The following PTPRO variants were observed in gnomAD, a reference collection of about 807,000 sequenced individuals.
PTPRO encodes receptor-type tyrosine-protein phosphatase O.
PTPRO carries 62 observed loss-of-function variants against 145.2 expected under a neutral mutation model. That is an observed-to-expected ratio of 0.43 (90% confidence interval 0.35 to 0.53). PTPRO has a LOEUF of 0.53. Ranked by LOEUF, PTPRO falls within the 20% of genes least tolerant of loss-of-function variation. The probability of loss-of-function intolerance (pLI) is 0.01; values close to 1 mark genes in which losing one functional copy is unlikely to be tolerated. For missense variants in PTPRO, 1,345 were observed against 1,482.7 expected, an observed-to-expected ratio of 0.91 and a Z score of 1.53; for synonymous variants, 565 against 514.7, an observed-to-expected ratio of 1.10 and a Z score of -1.32.
At chr12:15,580,285 T>C (rs1944282536) in intron 21 of PTPRO, among the ~76,000 whole-genome samples, 170 bp downstream of exon 21, 1 of 152,154 alleles carries the variant, frequency 6.6e-6, no homozygotes, top group Admixed American at 6.5e-5. Flanking sequence ...AAAGAAAAAG[T>C]CCATAGATTA....
chr12:15,487,451 A>G (rs1347090540), intron 2 of PTPRO, among the ~76,000 whole-genome samples: 2 of 152,080 alleles, frequency 1.3e-5, no homozygotes, highest in East Asian at 1.9e-4. Flanking sequence ...GAAAGGAAAG[A>G]TTTTTCTGCC....
intron 17 of PTPRO, among the ~76,000 whole-genome samples, chr12:15,562,472 G>T (rs1218265142): frequency 6.6e-6 from 1 of 152,108 alleles, no homozygotes; most frequent in Non-Finnish European, 1.5e-5. Context: ...CGGTTTCTTG[G>T]AAATATATGT....
In PTPRO at chr12:15,524,887, T is replaced by A. The variant is rs142379171; in HGVS notation, c.1965T>A (p.Asp655Glu). Reference protein sequence around the residue: ...SLLYISWTYGDDTTDLSHSRM... With the variant: ...SLLYISWTYGEDTTDLSHSRM... The stretch of plus-strand genomic sequence containing the variant: ...TATATATCAGTTGGACATATGGGGA[T>A]GATACAACGGACTTGTCCCATTCTA... Residue 655 changes from aspartate (D) to glutamate (E), a missense_variant, in exon 11 of 27, where the codon GAT becomes GAA. Physicochemically the swap from Asp to Glu is conservative, Grantham distance 45. Around this residue, in one of 3 missense-constraint regions of PTPRO, gnomAD observed 1,130 missense variants for 1,214.7 expected, o/e 0.93. Coordinates refer to ENST00000281171, the MANE Select transcript of PTPRO (RefSeq NM_030667.3). The A allele has an allele frequency of 6.2e-6, 10 of 1,613,390 alleles. No individual in the cohort carries two copies. The highest frequency in any genetic ancestry group is 7.6e-6 in the Non-Finnish European group (9 of 1,179,432).
intron 14 of PTPRO, 76 bp downstream of exon 14, chr12:15,549,302 C>A: frequency 8.5e-7 from 1 of 1,175,232 alleles, no homozygotes; most frequent in Non-Finnish European, 1.1e-6. Context: ...TATCAATATT[C>A]CACCAAGAAA....
intron 1 of PTPRO, among the ~76,000 whole-genome samples, chr12:15,389,944 C>G (rs1307486912): frequency 2.0e-5 from 3 of 152,042 alleles, no homozygotes; most frequent in Non-Finnish European, 4.4e-5. Flanking sequence ...CAAAGCAGAA[C>G]AAGAGACCAA....
chr12:15,549,023 A>G lies in PTPRO; in HGVS notation c.2305-71A>G. The G allele has an allele frequency of 6.7e-6, 10 of 1,485,142 alleles. 1 individual carries two copies. In the South Asian group the frequency reaches 1.1e-4, roughly 17 times the overall value. The allele number at this position is 1,485,142 out of a possible 1,614,324, so 92.0% of individuals were successfully genotyped here. On this transcript the variant is annotated intron_variant, in intron 13 of 26. Transcript: ENST00000281171. ...ACTCTGTCAATCTATTACCAACTCA[A>G]CTATGAAATATATTTTTAAAAAATA...
chr12:15,573,526 T>C (rs975398569), intron 19 of PTPRO, among the ~76,000 whole-genome samples: 2 of 152,226 alleles, frequency 1.3e-5, no homozygotes, highest in East Asian at 1.9e-4. Flanking sequence ...CATACATTTC[T>C]ATTCTTAGAA....
chr12:15,553,945 A>G (rs372040867), intron 15 of PTPRO, among the ~76,000 whole-genome samples: 9 of 152,254 alleles, frequency 5.9e-5, no homozygotes, highest in Non-Finnish European at 1.2e-4. Context: ...CTATAATCCC[A>G]GCACTTTGGG....
chr12:15,355,097 G>A (rs12814009), intron 1 of PTPRO, among the ~76,000 whole-genome samples: 16,345 of 152,140 alleles, frequency 0.11, 953 homozygotes, highest in East Asian at 0.16. Context: ...GAATCACACC[G>A]ATTAAGATGA....
chr12:15,472,857 A>C (rs1049438232), intron 1 of PTPRO, among the ~76,000 whole-genome samples: 24 of 152,328 alleles, frequency 1.6e-4, no homozygotes, highest in African/African-American at 5.3e-4. Context: ...TGGGGCAGAA[A>C]TTACAAACAC....
intron 18 of PTPRO, among the ~76,000 whole-genome samples, chr12:15,568,772 TTTATAGATATG>T (rs1173553446): frequency 3.3e-5 from 5 of 151,996 alleles, no homozygotes; most frequent in Admixed American, 3.3e-4. Context: ...TTTCCATACT[TTTATAGATATG>T]CAAGCCTCTA....
intron 1 of PTPRO, among the ~76,000 whole-genome samples, chr12:15,336,982 A>G (rs1397954426): frequency 6.6e-6 from 1 of 152,216 alleles, no homozygotes; most frequent in Non-Finnish European, 1.5e-5. Flanking sequence ...ATGTGATCTA[A>G]GCCAGAACAA....
At chr12:15,411,388 T>G (rs180673183) in intron 1 of PTPRO, among the ~76,000 whole-genome samples, 80 of 152,402 alleles carry the variant, frequency 5.2e-4, no homozygotes, top group African/African-American at 1.9e-3. Flanking sequence ...AAGAAAGTTT[T>G]CTTCAGAAAG....
chr12:15,487,865 A>G (rs556374674), intron 2 of PTPRO, among the ~76,000 whole-genome samples: 1 of 152,350 alleles, frequency 6.6e-6, no homozygotes, highest in South Asian at 2.1e-4. Context: ...GCTAATAGCT[A>G]CCATATTGGA....
At chr12:15,413,987 T>C (rs1354011838) in intron 1 of PTPRO, among the ~76,000 whole-genome samples, 2 of 152,216 alleles carry the variant, frequency 1.3e-5, no homozygotes, top group East Asian at 3.9e-4. Context: ...ATATGCTAAA[T>C]AAATATTTCC....
intron 1 of PTPRO, among the ~76,000 whole-genome samples, chr12:15,470,869 C>A (rs1941523190): frequency 6.6e-6 from 1 of 152,184 alleles, no homozygotes; most frequent in African/African-American, 2.4e-5. Flanking sequence ...ACCTGGCAGC[C>A]TACAGGCTGG....
intron 23 of PTPRO, among the ~76,000 whole-genome samples, chr12:15,586,361 A>G (rs138333884): frequency 6.6e-6 from 1 of 152,294 alleles, no homozygotes; most frequent in African/African-American, 2.4e-5. Context: ...TCACTCTGAA[A>G]AAGGCTGGAT....
chr12:15,498,810 C>G (rs968220532), intron 3 of PTPRO, among the ~76,000 whole-genome samples: 24 of 152,110 alleles, frequency 1.6e-4, no homozygotes, highest in Non-Finnish European at 1.3e-4. Flanking sequence ...AATATAATCC[C>G]ATTCTTAAGT....
At chr12:15,482,144 GGTGT>G (rs57202820) in intron 1 of PTPRO, among the ~76,000 whole-genome samples, 28 of 148,290 alleles carry the variant, frequency 1.9e-4, no homozygotes, top group South Asian at 6.5e-4. Flanking sequence ...AAGAAAATAT[GGTGT>G]GTGTGTGTGT....
Sources: allele counts gnomAD v4.1 joint callset (sites outside exome capture counted in the v4.1 genomes callset), GRCh38; gene constraint gnomAD v4.1.1; regional missense constraint gnomAD v4.1.1; transcripts MANE v1.5; gene names NCBI Gene and HGNC (gene_info 2026-07-23, HGNC 2026-07-21).